The following TOMM20 variants were observed in gnomAD, a reference collection of about 807,000 sequenced individuals.
TOMM20 encodes translocase of outer mitochondrial membrane 20.
TOMM20 carries 10 observed loss-of-function variants against 22.1 expected under a neutral mutation model. The observed-to-expected ratio is 0.45, with a 90% CI of 0.28 to 0.77. The LOEUF is 0.77. Among genes scored for constraint, TOMM20 ranks in the 30% least tolerant of loss-of-function variants. The pLI is 0.13. For synonymous variants in TOMM20, 55 were observed against 61.4 expected (o/e 0.90, Z 0.49); for missense variants, 121 against 172.2 (o/e 0.70, Z 1.66).
Position 235,116,536 on chromosome 1 carries a change from C to CA in TOMM20, c.251-2627dup, listed in dbSNP as rs560203194. Among the ~76,000 whole-genome samples the CA allele has an allele frequency of 9.5e-3, 1,142 of 120,612 alleles. 7 individuals carry two copies. The highest frequency in any genetic ancestry group is 0.061 in the Middle Eastern group (10 of 164). The allele number at this position is 120,612 out of a possible 152,430, so 79.1% of individuals were successfully genotyped here. ...CTGGCGAAAGAGTGAGACTCCATCT[C>CA]AAAAAAAAAAAAATTAGCTGAGCCT... On this transcript the variant is annotated intron_variant, in intron 3 of 4. Transcript: ENST00000366607.
At chr1:235,114,764 G>A (rs1660803929) in intron 3 of TOMM20, among the ~76,000 whole-genome samples, 2 of 151,962 alleles carry the variant, frequency 1.3e-5, no homozygotes, top group African/African-American at 4.8e-5. Flanking sequence ...TCCTTCAATA[G>A]ACATATTATG....
intron 1 of TOMM20, among the ~76,000 whole-genome samples, chr1:235,126,068 T>A (rs1661013279): frequency 6.7e-6 from 1 of 149,750 alleles, no homozygotes; most frequent in Non-Finnish European, 1.5e-5. Flanking sequence ...TAGATTAGAT[T>A]AGATAGATAG....
At chr1:235,113,617 A>G in intron 4 of TOMM20, 151 bp downstream of exon 4, 3 of 1,003,990 alleles carry the variant, frequency 3.0e-6, no homozygotes, top group Non-Finnish European at 2.8e-6. Flanking sequence ...CCCACCAGAG[A>G]GGAAAATGTC....
intron 3 of TOMM20, among the ~76,000 whole-genome samples, chr1:235,117,349 TCA>T (rs1660852658): frequency 6.7e-6 from 1 of 150,236 alleles, no homozygotes. Flanking sequence ...TCCCAGCTAC[TCA>T]TGAGGCTGAG....
chr1:235,111,407 C>G lies in TOMM20; in HGVS notation c.*657G>C, dbSNP rs999129623. Reference sequence around the variant, plus strand: ...GGCTAGATTAGGGGTGTACAGAAATCTAATTCCTGGTGCTATTTGCAACTA... The same window carrying G: ...GGCTAGATTAGGGGTGTACAGAAATGTAATTCCTGGTGCTATTTGCAACTA... On this transcript the variant is annotated 3_prime_UTR_variant, in exon 5 of 5. Coordinates refer to ENST00000366607, the MANE Select transcript of TOMM20 (RefSeq NM_014765.3). 6.6e-6 allele frequency: 1 copy of G among 152,380 alleles called. No homozygotes were observed. Among genetic ancestry groups the G allele is most frequent in the African/African-American group, 2.4e-5 (1 of 41,450 alleles). 9.4% of individuals were successfully genotyped at this position (152,380 alleles called of 1,614,324 possible).
In TOMM20 at chr1:235,111,081, G is replaced by A. The variant is rs188491958; in HGVS notation, c.*983C>T. 1.8e-4 allele frequency: 27 copies of A among 152,100 alleles called. No homozygotes were observed. Among genetic ancestry groups the A allele is most frequent in the African/African-American group, 6.5e-4 (27 of 41,472 alleles). The allele number at this position is 152,100 out of a possible 1,614,324, so 9.4% of individuals were successfully genotyped here. ...TCATCCCAGTTACCTTAAAAGTTTC[G>A]GATTAATTTACAGAGTAGTGACAGA... is the stretch of plus-strand genomic sequence containing the variant. On this transcript the variant is annotated 3_prime_UTR_variant, in exon 5 of 5. Coordinates refer to ENST00000366607, the MANE Select transcript of TOMM20 (RefSeq NM_014765.3).
At chr1:235,121,038 A>G (rs1003095948) in intron 2 of TOMM20, among the ~76,000 whole-genome samples, 1 of 152,020 alleles carries the variant, frequency 6.6e-6, no homozygotes, top group Non-Finnish European at 1.5e-5. Context: ...CATCTCTACT[A>G]AAATACAAAA....
chr1:235,114,266 G>A (rs1188001117), intron 3 of TOMM20, among the ~76,000 whole-genome samples: 5 of 152,094 alleles, frequency 3.3e-5, no homozygotes, highest in East Asian at 1.9e-4. Context: ...GGGGACTGGG[G>A]TAGAAAGAAG....
intron 3 of TOMM20, among the ~76,000 whole-genome samples, chr1:235,116,883 C>T (rs753525104): frequency 1.3e-5 from 2 of 152,056 alleles, no homozygotes; most frequent in Non-Finnish European, 2.9e-5. Flanking sequence ...AGCCTGTAAT[C>T]CCAGCACTTT....
At chr1:235,120,785 T>C (rs1277945392) in intron 2 of TOMM20, among the ~76,000 whole-genome samples, 1 of 142,832 alleles carries the variant, frequency 7.0e-6, no homozygotes. Context: ...CAGGATTGCT[T>C]GAACCCACGA....
chr1:235,119,890 G>T lies in TOMM20; in HGVS notation c.178C>A (p.Leu60Ile). 1 of 1,609,074 alleles carries T rather than the reference G, an allele frequency of 6.2e-7. No homozygotes were observed. The highest frequency in any genetic ancestry group is 8.5e-7 in the Non-Finnish European group (1 of 1,176,682). Reference protein sequence around the residue: ...ERAGLSKLPDLKDAEAVQKFF... With the variant: ...ERAGLSKLPDIKDAEAVQKFF... ...TTCTGAACAGCTTCAGCATCTTTAA[G>T]GTCAGGTAACTGGAAATAAAATATT... Residue 60 changes from leucine to isoleucine, a missense_variant, in exon 3 of 5, where the codon CTT becomes ATT. Physicochemically the swap from Leu to Ile is conservative, Grantham distance 5. Transcript: ENST00000366607.
chr1:235,111,942 T>C lies in TOMM20; in HGVS notation c.*122A>G. ...GGATCTACACAAAGTAAACATTAAC[T>C]TTGGTAGATTTCAGTGTAGTTCATA... is the stretch of plus-strand genomic sequence containing the variant. On this transcript the variant is annotated 3_prime_UTR_variant, in exon 5 of 5. Coordinates refer to ENST00000366607, the MANE Select transcript of TOMM20 (RefSeq NM_014765.3). The C allele has an allele frequency of 5.1e-6, 4 of 776,704 alleles. No individual in the cohort carries two copies. Among genetic ancestry groups the C allele is most frequent in the Non-Finnish European group, 2.2e-6 (1 of 455,918 alleles). 48.1% of individuals were successfully genotyped at this position (776,704 alleles called of 1,614,324 possible).
rs143263486 is a variant in TOMM20, at chr1:235,111,394, G to C, written c.*670C>G. 6.6e-6 allele frequency: 1 copy of C among 152,250 alleles called. No homozygotes were observed. Among genetic ancestry groups the C allele is most frequent in the Non-Finnish European group, 1.5e-5 (1 of 68,120 alleles). 9.4% of individuals were successfully genotyped at this position (152,250 alleles called of 1,614,324 possible). A position where few individuals can be genotyped will look rare whatever the true frequency, so the allele number is the denominator to read the frequency against. ...GCGAAGCTCACAAGGCTAGATTAGG[G>C]GTGTACAGAAATCTAATTCCTGGTG... On this transcript the variant is annotated 3_prime_UTR_variant, in exon 5 of 5. Transcript: ENST00000366607.
At chr1:235,122,627 C>T (rs1660946873) in intron 1 of TOMM20, among the ~76,000 whole-genome samples, 1 of 152,180 alleles carries the variant, frequency 6.6e-6, no homozygotes, top group Non-Finnish European at 1.5e-5. Context: ...GAGATAGCTC[C>T]AATAGCTGGA....
At chr1:235,115,140 G>A (rs1170167835) in intron 3 of TOMM20, among the ~76,000 whole-genome samples, 1 of 151,784 alleles carries the variant, frequency 6.6e-6, no homozygotes, top group Non-Finnish European at 1.5e-5. Flanking sequence ...ACCTCCCAAT[G>A]TGCTGAGATT....
rs1660781308 is a variant in TOMM20 at position 235,113,776 on chromosome 1, T to C, written c.385A>G (p.Ile129Val). ...FQMLLTKLPT[I>V]SQRIVSAQSL... ...ACATTCCAATTCCTTACCTGACTAA[T>C]TGTTGGGAGCTTAGTCAGAAGCATC... is the stretch of plus-strand genomic sequence containing the variant. Residue 129 changes from isoleucine to valine, a missense_variant, in exon 4 of 5, where the codon ATT (isoleucine) becomes GTT (valine). Transcript: ENST00000366607. The C allele has an allele frequency of 6.2e-7, 1 of 1,609,408 alleles. No individual in the cohort carries two copies. Among genetic ancestry groups the C allele is most frequent in the Non-Finnish European group, 8.5e-7 (1 of 1,178,820 alleles).
chr1:235,126,778 C>T (rs942403773), intron 1 of TOMM20, among the ~76,000 whole-genome samples: 1 of 152,034 alleles, frequency 6.6e-6, no homozygotes, highest in African/African-American at 2.4e-5. Context: ...CGAGCCTGGG[C>T]GACAGAGCGA....
chr1:235,121,332 C>T (rs1477505336), intron 2 of TOMM20, among the ~76,000 whole-genome samples: 2 of 152,200 alleles, frequency 1.3e-5, no homozygotes, highest in South Asian at 2.1e-4. Flanking sequence ...AGACATCTTT[C>T]ACACACTACC....
chr1:235,112,085 C>G lies in TOMM20; in HGVS notation c.417G>C (p.Leu139Phe). Residue 139 changes from leucine (L) to phenylalanine (F), a missense_variant, in exon 5 of 5, where the codon TTG (leucine) becomes TTC (phenylalanine). Coordinates refer to ENST00000366607, the MANE Select transcript of TOMM20 (RefSeq NM_014765.3). The part of the protein sequence containing the change: ...ISQRIVSAQS[L>F]AEDDVE ...TTTCTCATTCCACATCATCTTCAGCCAAGCTCTGAGCACTTACAATTCTCT... is the reference window on the plus strand; with the variant it reads ...TTTCTCATTCCACATCATCTTCAGCGAAGCTCTGAGCACTTACAATTCTCT... 1 of 1,607,720 alleles carries G rather than the reference C, an allele frequency of 6.2e-7. No homozygotes were observed. The highest frequency in any genetic ancestry group is 8.5e-7 in the Non-Finnish European group (1 of 1,177,894).
Sources: allele counts gnomAD v4.1 joint callset (sites outside exome capture counted in the v4.1 genomes callset), GRCh38; gene constraint gnomAD v4.1.1; transcripts MANE v1.5; gene names NCBI Gene and HGNC (gene_info 2026-07-23, HGNC 2026-07-21).